Variants in SPECC1L observed in about 807,000 individuals in gnomAD.
The protein encoded by SPECC1L is cytospin-A.
Under a neutral mutation model 116.8 loss-of-function variants are expected in SPECC1L, and 40 were observed. The ratio of observed to expected loss-of-function variants is 0.34; its 90% CI spans 0.27 to 0.45. The LOEUF is 0.45. SPECC1L is among the 20% of genes least tolerant of loss of function. SPECC1L has a pLI of 1.00. For missense variants in SPECC1L, 1,110 were observed against 1,373.6 expected (o/e 0.81, Z 3.03); for synonymous variants, 504 against 500.6 (o/e 1.01, Z -0.09).
intron 6 of SPECC1L, among the ~76,000 whole-genome samples, chr22:24,326,136 AG>A (rs2040816919): frequency 6.6e-6 from 1 of 152,146 alleles, no homozygotes; most frequent in Non-Finnish European, 1.5e-5. Flanking sequence ...TATTTTTAGT[AG>A]AGACAGGGTT....
chr22:24,316,359 G>A (rs1178137260), intron 4 of SPECC1L, among the ~76,000 whole-genome samples: 4 of 150,560 alleles, frequency 2.7e-5, no homozygotes, highest in African/African-American at 9.8e-5. Flanking sequence ...GACAATAGTG[G>A]AGGGAAGGTC....
chr22:24,287,613 C>T (rs1299837858), intron 2 of SPECC1L, among the ~76,000 whole-genome samples: 1 of 152,122 alleles, frequency 6.6e-6, no homozygotes, highest in Non-Finnish European at 1.5e-5. Context: ...GGGTATAGGC[C>T]ACCCTTGAGA....
intron 6 of SPECC1L, among the ~76,000 whole-genome samples, chr22:24,325,845 G>C (rs1206034489): frequency 1.3e-5 from 2 of 152,110 alleles, no homozygotes; most frequent in Non-Finnish European, 2.9e-5. Context: ...ATGTTTAACA[G>C]TAAGTAGATG....
chr22:24,324,280 A>C lies in SPECC1L; in HGVS notation c.1999A>C (p.Met667Leu). Residue 667 changes from methionine (M) to leucine (L), a missense_variant, in exon 6 of 17, where the codon ATG becomes CTG. Physicochemically the swap from Met to Leu is conservative, Grantham distance 15 (BLOSUM62 2). This residue lies in a region of SPECC1L where 575 missense variants were observed against 682.4 expected (regional missense o/e 0.84). Coordinates refer to ENST00000314328, the MANE Select transcript of SPECC1L (RefSeq NM_015330.6). ...TAAGAAACAAATTGAAGATTTGAATATGACGTTAGAAAAATTAAGATCAGA... is the reference window on the plus strand; with the variant it reads ...TAAGAAACAAATTGAAGATTTGAATCTGACGTTAGAAAAATTAAGATCAGA... ...EAKKQIEDLN[M>L]TLEKLRSDLD... is the part of the protein sequence containing the mutation. 1.2e-6 allele frequency: 2 copies of C among 1,614,120 alleles called. No homozygotes were observed. Among genetic ancestry groups the C allele is most frequent in the Non-Finnish European group, 1.7e-6 (2 of 1,179,994 alleles).
chr22:24,318,112 G>T (rs1303545761), intron 4 of SPECC1L, among the ~76,000 whole-genome samples: 1 of 146,390 alleles, frequency 6.8e-6, no homozygotes, highest in African/African-American at 2.8e-5. Flanking sequence ...TCACTTCCCA[G>T]ACGGGGTGGG....
intron 10 of SPECC1L, among the ~76,000 whole-genome samples, chr22:24,342,284 A>G (rs1203109861): frequency 6.6e-6 from 1 of 152,234 alleles, no homozygotes; most frequent in Non-Finnish European, 1.5e-5. Flanking sequence ...GATAGAAATG[A>G]TAGGATTAGC....
At chr22:24,312,425 T>C (rs918591177) in intron 3 of SPECC1L, among the ~76,000 whole-genome samples, 2 of 152,222 alleles carry the variant, frequency 1.3e-5, no homozygotes, top group Admixed American at 1.3e-4. Context: ...ATGAATTCAG[T>C]ATGATTATCT....
intron 2 of SPECC1L, among the ~76,000 whole-genome samples, chr22:24,277,594 T>C (rs183789100): frequency 1.8e-3 from 278 of 152,372 alleles, no homozygotes; most frequent in Admixed American, 3.0e-3. Flanking sequence ...TGGATTTGCC[T>C]AGTCTAGGTA....
At chr22:24,327,298 A>C (rs1204267795) in intron 6 of SPECC1L, among the ~76,000 whole-genome samples, 3 of 150,860 alleles carry the variant, frequency 2.0e-5, no homozygotes, top group African/African-American at 4.9e-5. Context: ...AAAAAAAAAA[A>C]AAAACATCAG....
At position 24,334,577 on chromosome 22, in the gene SPECC1L, A is replaced by G. The variant is rs201962839; in HGVS notation, c.2560+4A>G. On this transcript the variant is annotated splice_donor_region_variant and intron_variant, in intron 9 of 16. Transcript: ENST00000314328. ...TCCTTTGACAGTGCATCTCAAGGTA[A>G]TTAATTTCTCCTACATTGTGCCTAC... 26 of 1,614,000 alleles carry G rather than the reference A, an allele frequency of 1.6e-5. No individual in the cohort carries two copies. The highest frequency in any genetic ancestry group is 2.0e-5 in the Non-Finnish European group (24 of 1,179,998).
intron 4 of SPECC1L, among the ~76,000 whole-genome samples, chr22:24,314,985 C>G (rs2040532714): frequency 6.6e-6 from 1 of 152,114 alleles, no homozygotes; most frequent in South Asian, 2.1e-4. Context: ...TCCTACAGTC[C>G]AAGGAGTAAT....
chr22:24,416,125 T>G lies in SPECC1L; in HGVS notation c.*1502T>G, dbSNP rs1222682392. ...GAGGGGTCTGCATTCAAGCACGATG[T>G]TCTAGAATAGGAGTTTAACGTGTCT... On this transcript the variant is annotated 3_prime_UTR_variant, in exon 17 of 17. Transcript: ENST00000314328. 1 of 152,186 alleles carries G rather than the reference T, an allele frequency of 6.6e-6. No individual in the cohort carries two copies. Among genetic ancestry groups the G allele is most frequent in the East Asian group, 1.9e-4 (1 of 5,196 alleles). 9.4% of individuals were successfully genotyped at this position (152,186 alleles called of 1,614,324 possible). A position where few individuals can be genotyped will look rare whatever the true frequency, so the allele number is the denominator to read the frequency against.
chr22:24,288,131 G>A (rs570705041), intron 2 of SPECC1L, among the ~76,000 whole-genome samples: 1 of 152,218 alleles, frequency 6.6e-6, no homozygotes, highest in East Asian at 1.9e-4. Flanking sequence ...CAGATTGTCT[G>A]TACACATGAG....
chr22:24,337,425 G>A (rs186331695), intron 9 of SPECC1L, among the ~76,000 whole-genome samples: 18 of 152,292 alleles, frequency 1.2e-4, no homozygotes, highest in Admixed American at 1.0e-3. Flanking sequence ...ATACGCTGGC[G>A]GGACAGTGGA....
At chr22:24,317,261 G>T in intron 4 of SPECC1L, among the ~76,000 whole-genome samples, 1 of 121,024 alleles carries the variant, frequency 8.3e-6, no homozygotes, top group African/African-American at 2.9e-5. Flanking sequence ...CGGGCGGGGG[G>T]CTGACCCCCC....
At chr22:24,309,951 A>G (rs1008128982) in intron 3 of SPECC1L, among the ~76,000 whole-genome samples, 1 of 152,176 alleles carries the variant, frequency 6.6e-6, no homozygotes, top group African/African-American at 2.4e-5. Flanking sequence ...ATGTTCAGAA[A>G]AGTGCCCCTC....
chr22:24,332,334 A>G (rs1199869484), intron 8 of SPECC1L, among the ~76,000 whole-genome samples: 1 of 152,258 alleles, frequency 6.6e-6, no homozygotes, highest in Non-Finnish European at 1.5e-5. Flanking sequence ...GACAGAATTT[A>G]GAAAATCTGT....
rs1485425668 is a variant in SPECC1L, at chr22:24,417,662, T to A, written c.*3039T>A. 6.6e-6 allele frequency: 1 copy of A among 152,130 alleles called. No homozygotes were observed. Among genetic ancestry groups the A allele is most frequent in the Non-Finnish European group, 1.5e-5 (1 of 68,028 alleles). 9.4% of individuals were successfully genotyped at this position (152,130 alleles called of 1,614,324 possible). A position where few individuals can be genotyped will look rare whatever the true frequency, so the allele number is the denominator to read the frequency against. ...AGGCATGTATCATCTTGGAAATAAT[T>A]GTCAGGATGTATAAAATAGAGAAAA... On this transcript the variant is annotated 3_prime_UTR_variant, in exon 17 of 17. Transcript: ENST00000314328.
chr22:24,386,385 A>G (rs2042160894), intron 14 of SPECC1L, among the ~76,000 whole-genome samples: 1 of 152,052 alleles, frequency 6.6e-6, no homozygotes. Flanking sequence ...TGGGCAACAT[A>G]GTGAGACCCC....
Sources: gnomAD v4.1 joint callset for allele counts (sites outside exome capture counted in the v4.1 genomes callset) on GRCh38, gnomAD v4.1.1 for gene constraint, gnomAD v4.1.1 regional missense constraint, MANE v1.5 for transcripts, NCBI Gene and HGNC (gene_info 2026-07-23, HGNC 2026-07-21) for gene names.